MSRB3: variants seen among roughly 807,000 people sequenced by gnomAD.
MSRB3 encodes the protein methionine sulfoxide reductase B3.
MSRB3 carries 13 observed loss-of-function variants against 21.0 expected under a neutral mutation model. That is an observed-to-expected ratio of 0.62 (90% CI 0.40 to 0.98). The LOEUF is 0.98. Among genes scored for constraint, MSRB3 ranks in the 50% least tolerant of loss-of-function variants. MSRB3 has a pLI of 0.00. For synonymous variants in MSRB3, 87 were observed against 88.6 expected (o/e 0.98, Z 0.10); for missense variants, 199 against 230.3 (o/e 0.86, Z 0.88).
Position 65,466,458 on chromosome 12 carries a change from G to A in MSRB3, c.*3136G>A, listed in dbSNP as rs1001999987. On this transcript the variant is annotated 3_prime_UTR_variant, in exon 7 of 7. Coordinates refer to ENST00000308259, the MANE Select transcript of MSRB3 (RefSeq NM_001031679.3). The stretch of plus-strand genomic sequence containing the variant: ...GGAGTTATGCCATTTAACATAGGAA[G>A]TGCATGGGACTTTCCCTCTCTGCAC... 4 of 152,150 alleles carry A rather than the reference G, an allele frequency of 2.6e-5. No individual in the cohort carries two copies. The highest frequency in any genetic ancestry group is 9.7e-5 in the African/African-American group (4 of 41,434). 9.4% of individuals were successfully genotyped at this position (152,150 alleles called of 1,614,324 possible). A position where few individuals can be genotyped will look rare whatever the true frequency, so the allele number is the denominator to read the frequency against.
intron 4 of MSRB3, among the ~76,000 whole-genome samples, 186 bp downstream of exon 4, chr12:65,328,789 C>G (rs1032000316): frequency 6.6e-6 from 1 of 152,210 alleles, no homozygotes. Flanking sequence ...GACAGACTGG[C>G]TGATTTTGCA....
chr12:65,335,915 C>T (rs190337239), intron 4 of MSRB3, among the ~76,000 whole-genome samples: 8 of 152,232 alleles, frequency 5.3e-5, no homozygotes, highest in Admixed American at 1.3e-4. Flanking sequence ...TATTCAAAAT[C>T]CTTTAACGAA....
rs1399034980 is a variant in MSRB3 at position 65,369,009 on chromosome 12, A to G, written c.275A>G (p.Lys92Arg). 1.3e-6 allele frequency: 2 copies of G among 1,582,666 alleles called. No homozygotes were observed. The highest frequency in any genetic ancestry group is 1.7e-6 in the Non-Finnish European group (2 of 1,158,378). The change falls in exon 5 of 7, where the codon AAA becomes AGA. Residue 92 changes from lysine to arginine, a missense_variant. Physicochemically the swap from Lys to Arg is conservative, Grantham distance 26. Coordinates refer to ENST00000308259, the MANE Select transcript of MSRB3 (RefSeq NM_001031679.3). ...CGTPLFKSET[K>R]FDSGSGWPSF... ...CTTTCTCTTTGCAGGTCAGAAACCA[A>G]ATTTGACTCCGGTTCAGGTATGTTT...
intron 5 of MSRB3, among the ~76,000 whole-genome samples, chr12:65,450,299 T>C (rs1292997961): frequency 1.3e-5 from 2 of 152,148 alleles, no homozygotes; most frequent in African/African-American, 4.8e-5. Context: ...GTGAATAAAA[T>C]TGAGGCAGAA....
intron 4 of MSRB3, among the ~76,000 whole-genome samples, chr12:65,351,896 TG>T (rs1877025843): frequency 6.6e-6 from 1 of 152,152 alleles, no homozygotes; most frequent in Non-Finnish European, 1.5e-5. Flanking sequence ...AAGGAGGAAC[TG>T]GTACCATTCC....
At chr12:65,431,755 G>C (rs569835111) in intron 5 of MSRB3, among the ~76,000 whole-genome samples, 1 of 152,142 alleles carries the variant, frequency 6.6e-6, no homozygotes, top group African/African-American at 2.4e-5. Flanking sequence ...TACACACTCC[G>C]CTTATGTGCA....
chr12:65,450,856 A>G (rs1412173033), intron 5 of MSRB3, among the ~76,000 whole-genome samples: 2 of 152,316 alleles, frequency 1.3e-5, no homozygotes, highest in Non-Finnish European at 2.9e-5. Flanking sequence ...TTCTTTAAAT[A>G]CTTTCACATG....
chr12:65,281,855 GGATCTACCTATCT>G (rs766353210), intron 1 of MSRB3: 5 of 152,172 alleles, frequency 3.3e-5, no homozygotes, highest in Non-Finnish European at 7.4e-5. Flanking sequence ...AGATTGAATT[GGATCTACCTATCT>G]GATTTAGCAG....
chr12:65,298,050 C>G (rs1873086733), intron 1 of MSRB3, among the ~76,000 whole-genome samples: 1 of 151,652 alleles, frequency 6.6e-6, no homozygotes, highest in South Asian at 2.1e-4. Flanking sequence ...GTCACCCAGG[C>G]TGAAGTGCAG....
intron 5 of MSRB3, chr12:65,419,811 C>A (rs1366717544): frequency 2.1e-6 from 2 of 937,802 alleles, no homozygotes; most frequent in Non-Finnish European, 3.4e-6. Flanking sequence ...TCCTGCCAGA[C>A]CCCTAGCCAT....
At chr12:65,396,724 G>C (rs1222508801) in intron 5 of MSRB3, among the ~76,000 whole-genome samples, 1 of 142,954 alleles carries the variant, frequency 7.0e-6, no homozygotes, top group Admixed American at 6.8e-5. Context: ...AAGAAAGAAA[G>C]AAAGAAAGAA....
At chr12:65,325,388 G>A (rs1417580306) in intron 2 of MSRB3, among the ~76,000 whole-genome samples, 1 of 152,174 alleles carries the variant, frequency 6.6e-6, no homozygotes, top group African/African-American at 2.4e-5. Flanking sequence ...TTTGTGGAAG[G>A]TCAGCAGAGG....
intron 4 of MSRB3, among the ~76,000 whole-genome samples, chr12:65,337,963 T>A (rs759503606): frequency 6.6e-6 from 1 of 152,238 alleles, no homozygotes; most frequent in Non-Finnish European, 1.5e-5. Flanking sequence ...TAGATTATGA[T>A]ATAGGGCTTT....
intron 4 of MSRB3, among the ~76,000 whole-genome samples, chr12:65,345,183 T>A (rs1876407975): frequency 6.6e-6 from 1 of 152,072 alleles, no homozygotes; most frequent in Admixed American, 6.6e-5. Context: ...GGAAGCCTGA[T>A]AGATTTGAGA....
intron 5 of MSRB3, among the ~76,000 whole-genome samples, chr12:65,376,676 G>A (rs1207397790): frequency 1.3e-5 from 2 of 151,910 alleles, no homozygotes; most frequent in African/African-American, 4.8e-5. Context: ...ACAGGGGCCC[G>A]TCAGGGGGTG....
chr12:65,298,258 C>A (rs1489312122), intron 1 of MSRB3, among the ~76,000 whole-genome samples: 1 of 152,178 alleles, frequency 6.6e-6, no homozygotes, highest in African/African-American at 2.4e-5. Context: ...CCTGCCTTGG[C>A]CTACCAGAGT....
At chr12:65,359,657 G>T (rs1284690782) in intron 4 of MSRB3, among the ~76,000 whole-genome samples, 1 of 152,140 alleles carries the variant, frequency 6.6e-6, no homozygotes, top group Non-Finnish European at 1.5e-5. Flanking sequence ...GCTACTGGTG[G>T]TCTCCAGTAA....
At chr12:65,393,816 G>A (rs1030879157) in intron 5 of MSRB3, among the ~76,000 whole-genome samples, 2 of 151,944 alleles carry the variant, frequency 1.3e-5, no homozygotes, top group African/African-American at 4.8e-5. Flanking sequence ...CTATGACTCA[G>A]TGTTATTGTT....
chr12:65,436,446 G>A (rs928254880), intron 5 of MSRB3, among the ~76,000 whole-genome samples: 1 of 151,612 alleles, frequency 6.6e-6, no homozygotes, highest in Non-Finnish European at 1.5e-5. Flanking sequence ...AGTATTTAAA[G>A]ATCATTTTTC....
Sources: gnomAD v4.1 joint callset for allele counts (sites outside exome capture counted in the v4.1 genomes callset) on GRCh38, gnomAD v4.1.1 for gene constraint, MANE v1.5 for transcripts, NCBI Gene and HGNC (gene_info 2026-07-23, HGNC 2026-07-21) for gene names.